MGAT4C: variants seen among roughly 807,000 people sequenced by gnomAD.
The protein encoded by MGAT4C is MGAT4 family member C.
Under a neutral mutation model 40.1 loss-of-function variants are expected in MGAT4C, and 19 were observed. The ratio of observed to expected loss-of-function variants is 0.47; its 90% CI spans 0.33 to 0.70. MGAT4C has a LOEUF of 0.70. MGAT4C is among the 30% of genes least tolerant of loss of function. The pLI, the probability that MGAT4C is intolerant of heterozygous loss-of-function variation, is 0.02. For missense variants in MGAT4C, 491 were observed against 563.2 expected (o/e 0.87, Z 1.30); for synonymous variants, 181 against 187.1 (o/e 0.97, Z 0.27).
chr12:86,775,856 TATATA>T lies in MGAT4C; in HGVS notation c.-261-48620_-261-48616del, dbSNP rs530495173. 3.3e-3 allele frequency among the ~76,000 whole-genome samples: 493 copies of T among 151,278 alleles called. 2 individuals are homozygous for T. The highest frequency in any genetic ancestry group is 0.011 in the African/African-American group (475 of 41,352). ...CTTCTTTTTTACCCTGAAATATATATATATAATATATTTGTAATTACTTGAGTCAT... is the reference window on the plus strand; with the variant it reads ...CTTCTTTTTTACCCTGAAATATATATATATATTTGTAATTACTTGAGTCAT... On this transcript the variant is annotated intron_variant, in intron 1 of 7. Transcript: ENST00000548651.
In MGAT4C at chr12:85,967,624, T is replaced by C. The variant is rs189329582; in HGVS notation, c.*11665A>G. 3.3e-5 allele frequency: 5 copies of C among 152,194 alleles called. No homozygotes were observed. Among genetic ancestry groups the C allele is most frequent in the African/African-American group, 1.2e-4 (5 of 41,568 alleles). 9.4% of individuals were successfully genotyped at this position (152,194 alleles called of 1,614,324 possible). A position where few individuals can be genotyped will look rare whatever the true frequency, so the allele number is the denominator to read the frequency against. ...AGCCTCATTTTAGCTAGCAACACTA[T>C]GTAGAAAAATATTTTAAATAAGACA... is the stretch of plus-strand genomic sequence containing the variant. On this transcript the variant is annotated 3_prime_UTR_variant, in exon 5 of 5. Transcript: ENST00000611864.
intron 2 of MGAT4C, among the ~76,000 whole-genome samples, chr12:86,562,107 G>C (rs1298393388): frequency 6.6e-6 from 1 of 152,140 alleles, no homozygotes; most frequent in Non-Finnish European, 1.5e-5. Context: ...GCTGCTCTAA[G>C]TTCACTGGAC....
chr12:86,041,492 T>G (rs1891838692), intron 2 of MGAT4C, among the ~76,000 whole-genome samples: 1 of 152,170 alleles, frequency 6.6e-6, no homozygotes, highest in Non-Finnish European at 1.5e-5. Flanking sequence ...TACTTTTGCT[T>G]TGTCCCAGAG....
intron 3 of MGAT4C, among the ~76,000 whole-genome samples, chr12:86,388,691 T>G (rs1319982839): frequency 1.3e-5 from 2 of 148,506 alleles, no homozygotes; most frequent in Non-Finnish European, 3.0e-5. Context: ...TTTTTTTTTT[T>G]TTTTTTTTAG....
At chr12:86,239,058 C>CT (rs1051358481) in intron 1 of MGAT4C, among the ~76,000 whole-genome samples, 7 of 151,404 alleles carry the variant, frequency 4.6e-5, no homozygotes, top group South Asian at 2.1e-4. Flanking sequence ...AATATTTTAA[C>CT]TTTTTTTTTA....
chr12:86,199,906 G>A (rs549562381), intron 1 of MGAT4C, among the ~76,000 whole-genome samples: 1 of 152,062 alleles, frequency 6.6e-6, no homozygotes, highest in East Asian at 1.9e-4. Flanking sequence ...GAAATGCAAA[G>A]CTCTTAAGTG....
intron 3 of MGAT4C, among the ~76,000 whole-genome samples, chr12:86,363,954 A>ACTCTCT (rs762469045): frequency 4.0e-5 from 4 of 99,418 alleles, no homozygotes; most frequent in African/African-American, 1.4e-4. Flanking sequence ...TCTCTTTCTC[A>ACTCTCT]CTCTCTCTCT....
intron 1 of MGAT4C, among the ~76,000 whole-genome samples, chr12:86,054,842 T>C (rs1448346314): frequency 6.6e-6 from 1 of 151,370 alleles, no homozygotes; most frequent in East Asian, 2.0e-4. Context: ...ATGAAAATAA[T>C]TTCTGTAGTA....
Position 86,627,679 on chromosome 12 carries a change from C to T in MGAT4C, c.-229+99530G>A, listed in dbSNP as rs149813761. 1.5e-3 allele frequency among the ~76,000 whole-genome samples: 234 copies of T among 152,306 alleles called. 1 individual carries two copies. The highest frequency in any genetic ancestry group is 5.4e-3 in the African/African-American group (226 of 41,564). Reference sequence around the variant, plus strand: ...GACTGTTAGGAGGAAAACTATCAAACAGAAAGGAATACCACTAACATCAAC... The same window carrying T: ...GACTGTTAGGAGGAAAACTATCAAATAGAAAGGAATACCACTAACATCAAC... On this transcript the variant is annotated intron_variant, in intron 2 of 7. Coordinates refer to the MGAT4C transcript ENST00000548651.
At chr12:86,010,319 C>CA (rs1565853566) in intron 2 of MGAT4C, among the ~76,000 whole-genome samples, 1 of 152,034 alleles carries the variant, frequency 6.6e-6, no homozygotes, top group Non-Finnish European at 1.5e-5. Flanking sequence ...TCCTAAATAC[C>CA]AAAATGAATA....
At chr12:86,442,119 TC>T (rs1957241228) in intron 2 of MGAT4C, among the ~76,000 whole-genome samples, 1 of 152,214 alleles carries the variant, frequency 6.6e-6, no homozygotes, top group Non-Finnish European at 1.5e-5. Flanking sequence ...TTTTCATGTG[TC>T]TGTTGGCTGC....
rs149821495 is a variant in MGAT4C, at chr12:86,454,103, T to G, written c.-228-18838A>C. Among the ~76,000 whole-genome samples the G allele has an allele frequency of 8.8e-4, 134 of 152,278 alleles. 1 individual carries two copies. In the East Asian group the frequency reaches 0.025, roughly 29 times the overall value. ...AAGGAAAAAAATAAAAAGTTGTTAT[T>G]TTCCTACAATTTTTTCCAGAAAAGA... is the stretch of plus-strand genomic sequence containing the variant. On this transcript the variant is annotated intron_variant, in intron 2 of 7. Transcript: ENST00000548651.
At chr12:86,039,746 A>G (rs1000670665) in intron 2 of MGAT4C, among the ~76,000 whole-genome samples, 3 of 152,016 alleles carry the variant, frequency 2.0e-5, no homozygotes, top group Non-Finnish European at 2.9e-5. Context: ...CTCATTCTCC[A>G]TCCAATTTTG....
chr12:86,305,602 A>T (rs1054904780), intron 4 of MGAT4C, among the ~76,000 whole-genome samples: 17 of 150,246 alleles, frequency 1.1e-4, no homozygotes, highest in Non-Finnish European at 2.5e-4. Flanking sequence ...TATCCATGTG[A>T]TATTGGTTCA....
At chr12:86,310,926 AAAAC>A (rs542927077) in intron 4 of MGAT4C, among the ~76,000 whole-genome samples, 6 of 152,336 alleles carry the variant, frequency 3.9e-5, no homozygotes, top group Non-Finnish European at 5.9e-5. Flanking sequence ...TTCGTCTCAA[AAAAC>A]AAACAAACAA....
At chr12:86,329,352 T>A (rs549718078) in intron 4 of MGAT4C, among the ~76,000 whole-genome samples, 1 of 152,206 alleles carries the variant, frequency 6.6e-6, no homozygotes, top group Non-Finnish European at 1.5e-5. Context: ...GTGGACATAG[T>A]TACATATCAG....
chr12:86,778,627 G>A (rs577115279), intron 1 of MGAT4C, among the ~76,000 whole-genome samples: 6 of 152,254 alleles, frequency 3.9e-5, no homozygotes, highest in African/African-American at 1.2e-4. Flanking sequence ...ACTCATCCCT[G>A]TTTTGAAATT....
At chr12:86,294,497 C>T (rs922540271) in intron 4 of MGAT4C, among the ~76,000 whole-genome samples, 9 of 152,104 alleles carry the variant, frequency 5.9e-5, no homozygotes, top group South Asian at 4.1e-4. Context: ...TGCAAATACA[C>T]GCAGGGCTTG....
At chr12:86,764,706 AG>A (rs1951472061) in intron 1 of MGAT4C, among the ~76,000 whole-genome samples, 3 of 152,230 alleles carry the variant, frequency 2.0e-5, no homozygotes, top group Admixed American at 2.0e-4. Flanking sequence ...TTCGCAGTTC[AG>A]GAAAATCCGC....
Sources: allele counts gnomAD v4.1 joint callset (sites outside exome capture counted in the v4.1 genomes callset), GRCh38; gene constraint gnomAD v4.1.1; transcripts MANE v1.5; gene names NCBI Gene and HGNC (gene_info 2026-07-23, HGNC 2026-07-21).